Variants in ATP12A observed in about 807,000 individuals in gnomAD.
The protein encoded by ATP12A is ATPase H+/K+ transporting non-gastric alpha2 subunit.
A neutral mutation model predicts 111.2 loss-of-function variants in ATP12A; 81 were observed. That is an observed-to-expected ratio of 0.73 (90% CI 0.61 to 0.88). The LOEUF is 0.88. ATP12A is among the 40% of genes least tolerant of loss of function. ATP12A has a pLI of 0.00. For missense variants in ATP12A, 1,196 were observed against 1,313.1 expected (o/e 0.91, Z 1.38); for synonymous variants, 498 against 499.8 (o/e 1.00, Z 0.05).
chr13:24,685,368 A>C lies in ATP12A; in HGVS notation c.223A>C (p.Ile75Leu). Residue 75 changes from isoleucine to leucine, a missense_variant, in exon 3 of 23, where the codon ATT becomes CTT. By Grantham distance (5) the Ile-to-Leu change is conservative (BLOSUM62 2). Coordinates refer to ENST00000381946, the MANE Select transcript of ATP12A (RefSeq NM_001676.7). The surrounding 1 kb of genome is among the most constrained non-coding windows in gnomAD (Gnocchi z 5.5). ...ELEEKYGTDI[I>L]MGLSSTRAAE... ...GGAAGAGAAATATGGCACAGACATC[A>C]TTATGGTGAGTCGTGGGAACCAGGG... 1 of 1,614,102 alleles carries C rather than the reference A, an allele frequency of 6.2e-7. No homozygotes were observed. Among genetic ancestry groups the C allele is most frequent in the Non-Finnish European group, 8.5e-7 (1 of 1,179,944 alleles).
chr13:24,693,061 A>C (rs1874982079), intron 10 of ATP12A, among the ~76,000 whole-genome samples, 165 bp downstream of exon 10: 1 of 152,230 alleles, frequency 6.6e-6, no homozygotes, highest in Non-Finnish European at 1.5e-5. Flanking sequence ...CTTTATGCAC[A>C]CTAGCTTTGA....
In ATP12A at chr13:24,680,549, C is replaced by T. The variant is rs543241503; in HGVS notation, c.-195C>T. On this transcript the variant is annotated 5_prime_UTR_variant, in exon 1 of 23. Transcript: ENST00000381946. ...GGGCGGGCGGCATTTAAGGCTGGTG[C>T]CACCTCCCCGGTGCAGCGGCTGGCG... 342 of 547,294 alleles carry T rather than the reference C, an allele frequency of 6.2e-4. No individual in the cohort carries two copies. Among genetic ancestry groups the T allele is most frequent in the African/African-American group, 6.1e-3 (303 of 49,916 alleles). The allele number at this position is 547,294 out of a possible 1,614,324, so 33.9% of individuals were successfully genotyped here. A position where few individuals can be genotyped will look rare whatever the true frequency, so the allele number is the denominator to read the frequency against.
intron 1 of ATP12A, 48 bp downstream of exon 1, chr13:24,680,800 G>C (rs892225082): frequency 6.8e-7 from 1 of 1,466,808 alleles, no homozygotes; most frequent in Non-Finnish European, 9.0e-7. Flanking sequence ...GCTGGGCCAA[G>C]GCCCCGGGGA....
At chr13:24,710,682 C>G (rs1470322136) in intron 20 of ATP12A, 89 bp downstream of exon 20, 30 of 1,604,720 alleles carry the variant, frequency 1.9e-5, no homozygotes, top group Middle Eastern at 1.7e-4. Context: ...AGAGTTCTGG[C>G]CACACTTGTA....
chr13:24,682,070 ATGGTGTGTGTATGTG>A (rs1874474709), intron 2 of ATP12A, among the ~76,000 whole-genome samples: 1 of 48,190 alleles, frequency 2.1e-5, no homozygotes, highest in Non-Finnish European at 4.0e-5. Flanking sequence ...GTGTGTGTGT[ATGGTGTGTGTATGTG>A]TGGTGTGTGT....
intron 8 of ATP12A, among the ~76,000 whole-genome samples, chr13:24,691,581 A>C (rs1490081961): frequency 6.6e-5 from 10 of 152,070 alleles, no homozygotes; most frequent in Non-Finnish European, 1.5e-5. Context: ...TTTCTTTGGC[A>C]GTTTCTACAA....
At chr13:24,695,600 C>CTT (rs34227271) in intron 11 of ATP12A, among the ~76,000 whole-genome samples, 8,390 of 88,006 alleles carry the variant, frequency 0.095, 466 homozygotes, top group Middle Eastern at 0.11. Flanking sequence ...GGGAAGAACT[C>CTT]TTTTTTTTTT....
intron 12 of ATP12A, among the ~76,000 whole-genome samples, chr13:24,700,037 G>T (rs60908277): frequency 0.047 from 7,198 of 152,308 alleles, 515 homozygotes; most frequent in East Asian, 0.3. Context: ...CTGCTCCATT[G>T]ACATTTGCAA....
chr13:24,707,657 T>C (rs2137721054), intron 17 of ATP12A, among the ~76,000 whole-genome samples: 1 of 152,326 alleles, frequency 6.6e-6, no homozygotes, highest in South Asian at 2.1e-4. Context: ...GCCAAATGTT[T>C]GGAAATTAAA....
intron 12 of ATP12A, among the ~76,000 whole-genome samples, chr13:24,700,209 C>G (rs1193903858): frequency 6.6e-6 from 1 of 152,160 alleles, no homozygotes; most frequent in Non-Finnish European, 1.5e-5. Context: ...TTCTCTTGGG[C>G]TTATCTTGAT....
chr13:24,698,504 G>C (rs551954751), intron 11 of ATP12A, among the ~76,000 whole-genome samples, 154 bp from the exon 12 acceptor site: 1 of 152,254 alleles, frequency 6.6e-6, no homozygotes, highest in South Asian at 2.1e-4. Context: ...CAAGTCTAGA[G>C]CTCTTCGTCT....
At position 24,696,575 on chromosome 13, in the gene ATP12A, G is replaced by A. The variant is rs1487502736; in HGVS notation, c.1512+1997G>A. ...AAAATACAAAAAATTAGCCGGGCGC[G>A]GTGGCGGGCGCCTGTAGTCCCAGCT... On this transcript the variant is annotated intron_variant, in intron 11 of 22. Transcript: ENST00000381946. 5.5e-5 allele frequency among the ~76,000 whole-genome samples: 7 copies of A among 127,258 alleles called. 1 individual carries two copies. The South Asian group carries it at 1.5e-3, about 28-fold the overall frequency. The allele number at this position is 127,258 out of a possible 152,430, so 83.5% of individuals were successfully genotyped here.
intron 11 of ATP12A, among the ~76,000 whole-genome samples, chr13:24,696,367 A>G (rs1312004812): frequency 2.6e-5 from 4 of 152,102 alleles, no homozygotes; most frequent in African/African-American, 9.7e-5. Flanking sequence ...ATGAGGCCTC[A>G]TGTACAAGTT....
chr13:24,703,814 T>A (rs1190565050), intron 14 of ATP12A: 2 of 143,638 alleles, frequency 1.4e-5, no homozygotes, highest in East Asian at 4.1e-4. Flanking sequence ...TACAGGCTTG[T>A]GTCACTGCAC....
chr13:24,690,377 C>T lies in ATP12A; in HGVS notation c.586C>T (p.Pro196Ser), dbSNP rs1317479324. The T allele has an allele frequency of 6.2e-7, 1 of 1,613,290 alleles. No individual in the cohort carries two copies. Among genetic ancestry groups the T allele is most frequent in the Non-Finnish European group, 8.5e-7 (1 of 1,179,872 alleles). The change falls in exon 6 of 23, where the codon CCT (proline) becomes TCT (serine). Residue 196 changes from proline (P) to serine (S), a missense_variant. Physicochemically the swap from Pro to Ser is moderately conservative, Grantham distance 74. Coordinates refer to ENST00000381946, the MANE Select transcript of ATP12A (RefSeq NM_001676.7). ...VIRDSEKKTIPSEQLVVGDIV... is the reference protein window; with the variant it reads ...VIRDSEKKTISSEQLVVGDIV... ...CCGAGATTCCGAGAAGAAGACCATC[C>T]CTTCAGAGCAGCTGGTGGTGGGGGA...
intron 4 of ATP12A, 141 bp from the exon 5 acceptor site, chr13:24,689,121 A>T: frequency 1.4e-6 from 1 of 691,776 alleles, no homozygotes. Context: ...TTGCGCACTT[A>T]ACATGGGCGA....
intron 2 of ATP12A, among the ~76,000 whole-genome samples, chr13:24,684,592 A>G (rs1182881090): frequency 6.6e-6 from 1 of 152,192 alleles, no homozygotes; most frequent in African/African-American, 2.4e-5. Flanking sequence ...CCCCTCTCCC[A>G]GGGGAAAAAT....
At chr13:24,701,859 G>A (rs1875411399) in intron 13 of ATP12A, 76 bp from the exon 14 acceptor site, 2 of 1,583,246 alleles carry the variant, frequency 1.3e-6, no homozygotes, top group African/African-American at 1.3e-5. Flanking sequence ...TACAGAGTAG[G>A]TATTACTGAA....
rs376103804 is a variant in ATP12A, at chr13:24,691,155, G to A, written c.973G>A (p.Ala325Thr). ...VSIGILFFIIAVSLKYQVLDS... is the reference protein window; with the variant it reads ...VSIGILFFIITVSLKYQVLDS... ...CATCGGCATCCTTTTCTTCATCATCGCTGTGTCCCTGAAGTATCAAGTCCT... is the reference window on the plus strand; with the variant it reads ...CATCGGCATCCTTTTCTTCATCATCACTGTGTCCCTGAAGTATCAAGTCCT... Residue 325 changes from alanine (A) to threonine (T), a missense_variant, in exon 8 of 23, where the codon GCT (alanine) becomes ACT (threonine). Physicochemically the swap from Ala to Thr is moderately conservative, Grantham distance 58. Coordinates refer to ENST00000381946, the MANE Select transcript of ATP12A (RefSeq NM_001676.7). 5.0e-6 allele frequency: 8 copies of A among 1,613,940 alleles called. No homozygotes were observed. The highest frequency in any genetic ancestry group is 2.7e-5 in the African/African-American group (2 of 74,866).
Sources: gnomAD v4.1 joint callset for allele counts (sites outside exome capture counted in the v4.1 genomes callset) on GRCh38, gnomAD v4.1.1 for gene constraint, Gnocchi (gnomAD v3.1) non-coding constraint, MANE v1.5 for transcripts, NCBI Gene and HGNC (gene_info 2026-07-23, HGNC 2026-07-21) for gene names.